ST8SIA2: variants seen among roughly 807,000 people sequenced by gnomAD.
ST8SIA2 encodes the protein alpha-2,8-sialyltransferase 8B.
Under a neutral mutation model 37.6 loss-of-function variants are expected in ST8SIA2, and 22 were observed. The observed-to-expected ratio is 0.58, with a 90% CI of 0.42 to 0.83. The LOEUF (loss-of-function observed/expected upper bound fraction) is 0.83. Ranked by LOEUF, ST8SIA2 falls within the 40% of genes least tolerant of loss-of-function variation. The pLI is 0.00. For missense variants in ST8SIA2, 382 were observed against 484.7 expected (o/e 0.79, Z 1.99); for synonymous variants, 205 against 201.2 (o/e 1.02, Z -0.16).
At chr15:92,435,737 C>T (rs761988648) in intron 3 of ST8SIA2, among the ~76,000 whole-genome samples, 1 of 152,098 alleles carries the variant, frequency 6.6e-6, no homozygotes, top group Non-Finnish European at 1.5e-5. Flanking sequence ...CCTTACTTAC[C>T]GCCTCTTCAG....
chr15:92,431,123 C>T (rs118049346), intron 2 of ST8SIA2, among the ~76,000 whole-genome samples: 2,357 of 152,234 alleles, frequency 0.015, 41 homozygotes, highest in Non-Finnish European at 0.022. Flanking sequence ...GTGAATATGG[C>T]AGAAAGAAAG....
At chr15:92,401,728 T>A (rs936652469) in intron 1 of ST8SIA2, among the ~76,000 whole-genome samples, 20 of 152,024 alleles carry the variant, frequency 1.3e-4, no homozygotes, top group African/African-American at 3.1e-4. Flanking sequence ...GCCTTTTTTT[T>A]TTATTATTGA....
intron 4 of ST8SIA2, among the ~76,000 whole-genome samples, chr15:92,440,745 C>A (rs1316078666): frequency 3.3e-5 from 5 of 152,192 alleles, no homozygotes; most frequent in Non-Finnish European, 7.4e-5. Flanking sequence ...CTGGGTTCTT[C>A]CCATCTAGGA....
At chr15:92,419,232 C>A (rs1212638430) in intron 1 of ST8SIA2, among the ~76,000 whole-genome samples, 1 of 152,120 alleles carries the variant, frequency 6.6e-6, no homozygotes, top group African/African-American at 2.4e-5. Context: ...GGTACAGGGA[C>A]AGGAACACAA....
intron 5 of ST8SIA2, among the ~76,000 whole-genome samples, chr15:92,450,761 A>T (rs1166900377): frequency 6.6e-6 from 1 of 152,210 alleles, no homozygotes; most frequent in African/African-American, 2.4e-5. Flanking sequence ...ACAAAATTCA[A>T]CATGAGATTT....
At chr15:92,416,607 C>A (rs1409008970) in intron 1 of ST8SIA2, among the ~76,000 whole-genome samples, 1 of 152,154 alleles carries the variant, frequency 6.6e-6, no homozygotes, top group African/African-American at 2.4e-5. Context: ...CAGGGTCATG[C>A]TCAGGTCACT....
chr15:92,431,227 G>A (rs8037133), intron 2 of ST8SIA2, among the ~76,000 whole-genome samples: 72,873 of 151,906 alleles, frequency 0.48, 18,125 homozygotes, highest in East Asian at 0.69. Flanking sequence ...CCAAGTCCTC[G>A]TGGTAGCTTG....
intron 1 of ST8SIA2, among the ~76,000 whole-genome samples, chr15:92,408,142 A>G (rs2049521594): frequency 1.3e-5 from 2 of 152,160 alleles, no homozygotes; most frequent in Admixed American, 1.3e-4. Flanking sequence ...CCAGCACACA[A>G]CAAAAGAATC....
In ST8SIA2 at chr15:92,409,673, G is replaced by A. The variant is rs552268090; in HGVS notation, c.98+15511G>A. Among the ~76,000 whole-genome samples, 12 of 152,328 alleles carry A rather than the reference G, an allele frequency of 7.9e-5. 1 individual carries two copies. The highest frequency in any genetic ancestry group is 2.4e-4 in the African/African-American group (10 of 41,576). ...TTGCAGCATCACCAGCACAGACTGT[G>A]TGCCACGAGCCACCCTGCTGGAAAA... On this transcript the variant is annotated intron_variant, in intron 1 of 5. Transcript: ENST00000268164.
intron 1 of ST8SIA2, among the ~76,000 whole-genome samples, chr15:92,429,847 G>A (rs2049702131): frequency 6.6e-6 from 1 of 152,182 alleles, no homozygotes; most frequent in African/African-American, 2.4e-5. Context: ...AGAGGGGCAG[G>A]GGAGGATCCA....
intron 1 of ST8SIA2, chr15:92,422,613 A>C (rs2049643912): frequency 6.5e-6 from 1 of 152,746 alleles, no homozygotes; most frequent in South Asian, 2.1e-4. Context: ...GGGGTGACTG[A>C]AGATTCTTGC....
At position 92,426,075 on chromosome 15, in the gene ST8SIA2, G is replaced by A. The variant is rs574722004; in HGVS notation, c.99-3974G>A. On this transcript the variant is annotated intron_variant, in intron 1 of 5. Coordinates refer to ENST00000268164, the MANE Select transcript of ST8SIA2 (RefSeq NM_006011.4). ...TTATTGTGGCCCGCAGGAGGAAGCC[G>A]AACCTGGCACACAAATCCCCAGGCC... Among the ~76,000 whole-genome samples, 7 of 152,288 alleles carry A rather than the reference G, an allele frequency of 4.6e-5. No homozygotes were observed. In the South Asian group the frequency reaches 6.2e-4, roughly 14 times the overall value.
intron 5 of ST8SIA2, among the ~76,000 whole-genome samples, chr15:92,451,205 A>T (rs2049879597): frequency 6.6e-6 from 1 of 152,210 alleles, no homozygotes; most frequent in Non-Finnish European, 1.5e-5. Flanking sequence ...TCTCGCTCTA[A>T]TGTGGTGCAC....
chr15:92,413,429 C>A (rs2049564249), intron 1 of ST8SIA2, among the ~76,000 whole-genome samples: 1 of 152,168 alleles, frequency 6.6e-6, no homozygotes, highest in Non-Finnish European at 1.5e-5. Context: ...AGGGACCATA[C>A]CGAAGACTGT....
chr15:92,434,209 C>T, intron 2 of ST8SIA2, 38 bp from the exon 3 acceptor site: 3 of 1,612,888 alleles, frequency 1.9e-6, no homozygotes, highest in Non-Finnish European at 2.5e-6. Context: ...CTTGCTAACA[C>T]ATCATGTCTA....
rs1287478348 is a variant in ST8SIA2, at chr15:92,438,491, C to T, written c.429C>T (p.Leu143=). The change falls in exon 4 of 6, where the codon CTC becomes CTT. Residue 143 remains leucine, a synonymous_variant. Coordinates refer to ENST00000268164, the MANE Select transcript of ST8SIA2 (RefSeq NM_006011.4). ...TGTCCCAGAACCTCTACGAGCTCCT[C>T]CCCAGGACTTCGCCACTGAAGAATA... ...MNVSQNLYEL[L]PRTSPLKNKH... 1 of 1,614,208 alleles carries T rather than the reference C, an allele frequency of 6.2e-7. No individual in the cohort carries two copies. The highest frequency in any genetic ancestry group is 1.7e-5 in the Admixed American group (1 of 60,024).
At chr15:92,396,273 G>A (rs1201308726) in intron 1 of ST8SIA2, among the ~76,000 whole-genome samples, 1 of 152,128 alleles carries the variant, frequency 6.6e-6, no homozygotes, top group Non-Finnish European at 1.5e-5. Context: ...GGTCAACACT[G>A]CATATGCCTT....
intron 5 of ST8SIA2, among the ~76,000 whole-genome samples, chr15:92,458,292 A>G (rs1332683998): frequency 2.6e-5 from 4 of 152,156 alleles, no homozygotes; most frequent in Non-Finnish European, 5.9e-5. Context: ...GGGGAAGAAG[A>G]AGTGGGAGAG....
intron 1 of ST8SIA2, among the ~76,000 whole-genome samples, chr15:92,407,545 C>T (rs1376051822): frequency 2.0e-5 from 3 of 152,140 alleles, no homozygotes; most frequent in East Asian, 1.9e-4. Context: ...TCACAGTTGG[C>T]GTATGCAGTC....
Sources: allele counts gnomAD v4.1 joint callset (sites outside exome capture counted in the v4.1 genomes callset), GRCh38; gene constraint gnomAD v4.1.1; transcripts MANE v1.5; gene names NCBI Gene and HGNC (gene_info 2026-07-23, HGNC 2026-07-21).